DLG2: variants seen among roughly 807,000 people sequenced by gnomAD.
DLG2 encodes the protein disks large homolog 2.
Under a neutral mutation model 132.5 loss-of-function variants are expected in DLG2, and 45 were observed. The observed-to-expected ratio is 0.34, with a 90% CI of 0.27 to 0.44. The LOEUF (loss-of-function observed/expected upper bound fraction) is 0.44, where lower values mean the gene tolerates loss of function less well. DLG2 is among the 20% of genes least tolerant of loss of function. The pLI is 1.00. For missense variants in DLG2, 1,045 were observed against 1,196.9 expected, an observed-to-expected ratio of 0.87 and a Z score of 1.87; for synonymous variants, 424 against 419.6, an observed-to-expected ratio of 1.01 and a Z score of -0.13.
chr11:83,833,167 A>G (rs1421545871), intron 17 of DLG2, among the ~76,000 whole-genome samples: 2 of 152,128 alleles, frequency 1.3e-5, no homozygotes, highest in Admixed American at 1.3e-4. Flanking sequence ...ACCATGCTTG[A>G]TGGCTCATGC....
chr11:84,267,742 CT>C (rs767917855), intron 7 of DLG2, among the ~76,000 whole-genome samples: 2 of 152,160 alleles, frequency 1.3e-5, no homozygotes, highest in African/African-American at 2.4e-5. Flanking sequence ...TTCTCACCTC[CT>C]TTTCTTTTTC....
At chr11:83,523,695 C>T (rs1157075803) in intron 21 of DLG2, among the ~76,000 whole-genome samples, 2 of 152,262 alleles carry the variant, frequency 1.3e-5, no homozygotes, top group Middle Eastern at 3.4e-3. Context: ...TTCAGAATAA[C>T]TGGTATCCTA....
chr11:85,087,805 T>C (rs1394647845), intron 6 of DLG2, among the ~76,000 whole-genome samples: 1 of 119,422 alleles, frequency 8.4e-6, no homozygotes, highest in African/African-American at 3.3e-5. Flanking sequence ...GCCACTGCAG[T>C]CCGCAGTCCG....
intron 7 of DLG2, among the ~76,000 whole-genome samples, chr11:84,482,959 A>G (rs1439409312): frequency 2.6e-5 from 4 of 152,176 alleles, no homozygotes; most frequent in African/African-American, 9.7e-5. Context: ...AATGTTGACT[A>G]TGGTTGTCAA....
chr11:85,343,028 T>C (rs1446716041), intron 3 of DLG2, among the ~76,000 whole-genome samples: 1 of 150,164 alleles, frequency 6.7e-6, no homozygotes, highest in Non-Finnish European at 1.5e-5. Context: ...TGTTTCGTAA[T>C]GTGAGTTTTT....
At chr11:84,247,359 G>A (rs1336009055) in intron 8 of DLG2, among the ~76,000 whole-genome samples, 2 of 152,226 alleles carry the variant, frequency 1.3e-5, no homozygotes, top group East Asian at 1.9e-4. Context: ...ATCACTCTGA[G>A]CTCCCTAAGA....
chr11:84,836,994 A>C (rs892202337), intron 6 of DLG2, among the ~76,000 whole-genome samples: 3 of 151,718 alleles, frequency 2.0e-5, no homozygotes, highest in African/African-American at 4.8e-5. Context: ...ATATCTCCTA[A>C]TGCTATCCCT....
chr11:85,166,227 C>T (rs1378103975), intron 4 of DLG2, among the ~76,000 whole-genome samples: 1 of 152,110 alleles, frequency 6.6e-6, no homozygotes, highest in Non-Finnish European at 1.5e-5. Context: ...TTCCTTTTAA[C>T]TCCTGAATCA....
chr11:85,393,511 T>A (rs2086989636), intron 3 of DLG2, among the ~76,000 whole-genome samples: 1 of 152,010 alleles, frequency 6.6e-6, no homozygotes, highest in Non-Finnish European at 1.5e-5. Context: ...AAAAGACACC[T>A]GCACACACAC....
chr11:84,149,536 G>T (rs1390637042), intron 9 of DLG2, among the ~76,000 whole-genome samples: 1 of 152,008 alleles, frequency 6.6e-6, no homozygotes, highest in Admixed American at 6.6e-5. Flanking sequence ...TAGGTGTGTG[G>T]CTTTACTTCT....
rs892698085 is a variant in DLG2, at chr11:84,066,514, C to A, written c.750-7030G>T. Among the ~76,000 whole-genome samples the A allele has an allele frequency of 2.0e-5, 3 of 152,274 alleles. No individual in the cohort carries two copies. The South Asian group carries it at 6.2e-4, about 32-fold the overall frequency. The stretch of plus-strand genomic sequence containing the variant: ...ATGGCTTATGCCTATAATCCCAGCA[C>A]TTCGGGAGGCTGAGACGGGTGGATC... On this transcript the variant is annotated intron_variant, in intron 10 of 27. Coordinates refer to ENST00000376104, the MANE Select transcript of DLG2 (RefSeq NM_001142699.3).
chr11:83,782,842 G>T (rs769714070), intron 18 of DLG2, among the ~76,000 whole-genome samples: 6 of 152,230 alleles, frequency 3.9e-5, no homozygotes, highest in Middle Eastern at 3.4e-3. Context: ...AAAGGGGAAG[G>T]TTTCTGGGAA....
intron 18 of DLG2, among the ~76,000 whole-genome samples, chr11:83,722,697 A>G (rs891966925): frequency 4.6e-5 from 7 of 152,204 alleles, no homozygotes; most frequent in African/African-American, 1.7e-4. Context: ...GAAACTTGAA[A>G]TGCTAACAAG....
At chr11:85,351,905 A>G (rs775983626) in intron 3 of DLG2, among the ~76,000 whole-genome samples, 1 of 152,194 alleles carries the variant, frequency 6.6e-6, no homozygotes, top group Non-Finnish European at 1.5e-5. Flanking sequence ...CTTTGGCATC[A>G]GGATGAGGCT....
At chr11:84,487,552 T>C (rs975039803) in intron 7 of DLG2, among the ~76,000 whole-genome samples, 2 of 152,148 alleles carry the variant, frequency 1.3e-5, no homozygotes, top group Admixed American at 1.3e-4. Flanking sequence ...AACTTAGGTA[T>C]TTTATGAAAA....
intron 6 of DLG2, among the ~76,000 whole-genome samples, chr11:84,694,372 T>C (rs1447305471): frequency 6.6e-6 from 1 of 151,666 alleles, no homozygotes; most frequent in Non-Finnish European, 1.5e-5. Context: ...AATTTGAGAA[T>C]ACAGCTTTGC....
intron 6 of DLG2, among the ~76,000 whole-genome samples, chr11:85,014,478 T>G (rs1427535001): frequency 6.6e-6 from 1 of 152,160 alleles, no homozygotes. Flanking sequence ...TCTTTATAGC[T>G]TCACCCCTTA....
intron 8 of DLG2, among the ~76,000 whole-genome samples, chr11:84,245,573 C>A (rs1372912853): frequency 6.6e-6 from 1 of 152,192 alleles, no homozygotes; most frequent in Non-Finnish European, 1.5e-5. Context: ...ATTATTTCTA[C>A]CTCTAGAAAC....
At chr11:83,499,508 T>C (rs1001082134) in intron 21 of DLG2, among the ~76,000 whole-genome samples, 1 of 151,968 alleles carries the variant, frequency 6.6e-6, no homozygotes, top group Non-Finnish European at 1.5e-5. Flanking sequence ...TTTCAAATAA[T>C]CTGTACGAAT....
Sources: gnomAD v4.1 joint callset for allele counts (sites outside exome capture counted in the v4.1 genomes callset) on GRCh38, gnomAD v4.1.1 for gene constraint, MANE v1.5 for transcripts, NCBI Gene and HGNC (gene_info 2026-07-23, HGNC 2026-07-21) for gene names.